Variants in ADAMTSL1 observed in about 807,000 individuals in gnomAD.
ADAMTSL1 encodes the protein ADAMTS like 1.
Under a neutral mutation model 201.8 loss-of-function variants are expected in ADAMTSL1, and 126 were observed. The observed-to-expected ratio is 0.62, with a 90% CI of 0.54 to 0.72. The LOEUF is 0.72. Among genes scored for constraint, ADAMTSL1 ranks in the 30% least tolerant of loss-of-function variants. The pLI is 0.00. For missense variants in ADAMTSL1, 2,679 were observed against 2,277.8 expected (o/e 1.18, Z -3.59); for synonymous variants, 1,121 against 903.4 (o/e 1.24, Z -4.32).
intron 1 of ADAMTSL1, among the ~76,000 whole-genome samples, chr9:17,913,631 C>G (rs964771069): frequency 1.3e-5 from 2 of 152,090 alleles, no homozygotes; most frequent in Non-Finnish European, 2.9e-5. Context: ...CAAGAGCAAA[C>G]ATATTCAAAA....
chr9:18,573,095 A>C (rs778265364), intron 3 of ADAMTSL1, among the ~76,000 whole-genome samples: 1 of 152,168 alleles, frequency 6.6e-6, no homozygotes, highest in Non-Finnish European at 1.5e-5. Context: ...GCCCTTTATG[A>C]AACTTACATC....
intron 1 of ADAMTSL1, among the ~76,000 whole-genome samples, chr9:18,083,733 G>T (rs528577538): frequency 6.6e-6 from 1 of 152,174 alleles, no homozygotes; most frequent in Non-Finnish European, 1.5e-5. Flanking sequence ...TCCATAAGAC[G>T]TACATAATGT....
At chr9:18,109,539 G>A (rs1587071082) in intron 1 of ADAMTSL1, among the ~76,000 whole-genome samples, 1 of 152,112 alleles carries the variant, frequency 6.6e-6, no homozygotes, top group Non-Finnish European at 1.5e-5. Context: ...GCAAATTTAA[G>A]GCATGGCCAT....
chr9:18,083,514 T>A (rs1823608626), intron 1 of ADAMTSL1, among the ~76,000 whole-genome samples: 1 of 152,190 alleles, frequency 6.6e-6, no homozygotes, highest in African/African-American at 2.4e-5. Flanking sequence ...ATATTTAGCC[T>A]TTGGCTTGGT....
intron 3 of ADAMTSL1, among the ~76,000 whole-genome samples, chr9:18,546,942 T>A (rs1820504783): frequency 6.6e-6 from 1 of 152,144 alleles, no homozygotes; most frequent in Non-Finnish European, 1.5e-5. Flanking sequence ...ACCTGCTTTA[T>A]GATATCTCAT....
At chr9:18,077,128 G>A (rs998565208) in intron 1 of ADAMTSL1, among the ~76,000 whole-genome samples, 2 of 152,196 alleles carry the variant, frequency 1.3e-5, no homozygotes, top group Non-Finnish European at 2.9e-5. Context: ...TTTTGGACCA[G>A]TGGAATTTCT....
At chr9:18,223,469 G>A (rs1224621724) in intron 2 of ADAMTSL1, among the ~76,000 whole-genome samples, 1 of 151,512 alleles carries the variant, frequency 6.6e-6, no homozygotes, top group Non-Finnish European at 1.5e-5. Flanking sequence ...TGCTTCTTTT[G>A]TTGTATTTGG....
chr9:18,532,396 A>G lies in ADAMTSL1; in HGVS notation c.192-851A>G, dbSNP rs114734582. Among the ~76,000 whole-genome samples, 793 of 152,294 alleles carry G rather than the reference A, an allele frequency of 5.2e-3. 4 individuals are homozygous for G. The highest frequency in any genetic ancestry group is 0.018 in the African/African-American group (760 of 41,570). ...AAAAAACACAGTCAGAAACTTTGAT[A>G]AAACACATGCACAAAGATGGTTTAC... On this transcript the variant is annotated intron_variant, in intron 2 of 28. Transcript: ENST00000380548.
intron 2 of ADAMTSL1, among the ~76,000 whole-genome samples, chr9:18,211,190 C>T (rs1324919000): frequency 6.6e-6 from 1 of 152,168 alleles, no homozygotes; most frequent in Non-Finnish European, 1.5e-5. Context: ...AGTTTTCACA[C>T]TTGCCAATTC....
At chr9:18,556,115 C>T (rs969930562) in intron 3 of ADAMTSL1, among the ~76,000 whole-genome samples, 3 of 151,856 alleles carry the variant, frequency 2.0e-5, no homozygotes, top group Non-Finnish European at 4.4e-5. Context: ...TTTCCTTTAC[C>T]GCCTTGCACA....
intron 5 of ADAMTSL1, among the ~76,000 whole-genome samples, chr9:18,627,441 CA>C (rs2132711559): frequency 1.3e-5 from 2 of 152,270 alleles, no homozygotes; most frequent in Admixed American, 1.3e-4. Context: ...TGATTTAAAG[CA>C]ACACAAATTT....
At chr9:18,610,716 A>G (rs1224108555) in intron 4 of ADAMTSL1, among the ~76,000 whole-genome samples, 3 of 152,180 alleles carry the variant, frequency 2.0e-5, no homozygotes, top group Non-Finnish European at 4.4e-5. Context: ...TGCATAAACA[A>G]TTGTGATGGG....
At position 18,686,937 on chromosome 9, in the gene ADAMTSL1, TAAA is replaced by T. The variant is rs1237448734; in HGVS notation, c.1574+2141_1574+2143del. Among the ~76,000 whole-genome samples the T allele has an allele frequency of 2.0e-5, 3 of 152,208 alleles. 1 individual carries two copies. The East Asian group carries it at 5.8e-4, about 29-fold the overall frequency. On this transcript the variant is annotated intron_variant, in intron 13 of 28. Coordinates refer to ENST00000380548, the MANE Select transcript of ADAMTSL1 (RefSeq NM_001040272.6). ...ATCTTAATAAAATCTTTAAAGTAGT[TAAA>T]AAAGTTTTAGCCATTGAAAGTATAG... is the stretch of plus-strand genomic sequence containing the variant.
intron 4 of ADAMTSL1, among the ~76,000 whole-genome samples, chr9:18,593,883 C>T (rs1393360343): frequency 6.6e-6 from 1 of 152,048 alleles, no homozygotes; most frequent in African/African-American, 2.4e-5. Flanking sequence ...GTGTATTCTG[C>T]AGCCACTGAA....
At chr9:18,586,986 A>T (rs1454904668) in intron 4 of ADAMTSL1, among the ~76,000 whole-genome samples, 9 of 151,274 alleles carry the variant, frequency 5.9e-5, no homozygotes, top group Non-Finnish European at 1.0e-4. Context: ...AAATACTATT[A>T]AAAAAAAACT....
intron 23 of ADAMTSL1, among the ~76,000 whole-genome samples, chr9:18,841,949 T>C (rs1250580298): frequency 6.6e-6 from 1 of 152,058 alleles, no homozygotes; most frequent in Non-Finnish European, 1.5e-5. Flanking sequence ...TTAGTCTTGC[T>C]AGCGGTCTAT....
intron 3 of ADAMTSL1, among the ~76,000 whole-genome samples, chr9:18,558,771 G>GT (rs921163969): frequency 1.3e-5 from 2 of 151,898 alleles, no homozygotes; most frequent in African/African-American, 2.4e-5. Flanking sequence ...GTGATGATGA[G>GT]TTTTTTTTCG....
intron 2 of ADAMTSL1, among the ~76,000 whole-genome samples, chr9:18,348,438 C>G (rs1643364074): frequency 6.6e-6 from 1 of 152,174 alleles, no homozygotes; most frequent in Non-Finnish European, 1.5e-5. Context: ...CTTAATTTCT[C>G]TAAACCTCAC....
Position 18,577,621 on chromosome 9 carries a change from A to G in ADAMTSL1, c.474+3355A>G, listed in dbSNP as rs150963811. ...TGAATTGTCTCCTAGACCATAGTGT[A>G]CCAAAGTGAGAAAATATATGTGAAA... On this transcript the variant is annotated intron_variant, in intron 4 of 28. Coordinates refer to ENST00000380548, the MANE Select transcript of ADAMTSL1 (RefSeq NM_001040272.6). Among the ~76,000 whole-genome samples the G allele has an allele frequency of 3.0e-4, 46 of 152,346 alleles. 1 individual carries two copies. In the East Asian group the frequency reaches 7.7e-3, roughly 26 times the overall value.
Sources: gnomAD v4.1 joint callset for allele counts (sites outside exome capture counted in the v4.1 genomes callset) on GRCh38, gnomAD v4.1.1 for gene constraint, MANE v1.5 for transcripts, NCBI Gene and HGNC (gene_info 2026-07-23, HGNC 2026-07-21) for gene names.